Variants in PDZD2 observed in about 807,000 individuals in gnomAD.
PDZD2 encodes PDZ domain containing 2.
Under a neutral mutation model 220.7 loss-of-function variants are expected in PDZD2, and 90 were observed. The ratio of observed to expected loss-of-function variants is 0.41; its 90% CI spans 0.34 to 0.49. PDZD2 has a LOEUF of 0.49. Ranked by LOEUF, PDZD2 falls within the 20% of genes least tolerant of loss-of-function variation. The pLI, the probability that PDZD2 is intolerant of heterozygous loss-of-function variation, is 0.28. For missense variants in PDZD2, 3,174 were observed against 3,608.5 expected, an observed-to-expected ratio of 0.88 and a Z score of 3.08; for synonymous variants, 1,375 against 1,450.5, an observed-to-expected ratio of 0.95 and a Z score of 1.18.
Position 32,088,423 on chromosome 5 carries a change from G to A in PDZD2, c.4975G>A (p.Gly1659Ser). The A allele has an allele frequency of 6.2e-7, 1 of 1,614,052 alleles. No individual in the cohort carries two copies. The highest frequency in any genetic ancestry group is 8.5e-7 in the Non-Finnish European group (1 of 1,179,998). Residue 1659 changes from glycine (G) to serine (S), a missense_variant, in exon 20 of 25, where the codon GGC becomes AGC. By Grantham distance (56) the Gly-to-Ser change is moderately conservative. Coordinates refer to ENST00000438447, the MANE Select transcript of PDZD2 (RefSeq NM_178140.4). The surrounding 1 kb of genome is among the most constrained non-coding windows in gnomAD (Gnocchi z 4.6). ...AACLPGSYTS[G>S]PDSSQPSSLL... ...CTGCTTGCCAGGCTCATACACTTCA[G>A]GCCCAGACTCTTCCCAGCCATCATC...
At chr5:31,699,405 G>A (rs1000158980) in intron 1 of PDZD2, among the ~76,000 whole-genome samples, 1 of 152,068 alleles carries the variant, frequency 6.6e-6, no homozygotes, top group African/African-American at 2.4e-5. Context: ...ATTGAGGCTA[G>A]GAGTGAGAGG....
At chr5:31,973,387 A>G (rs1338634303) in intron 2 of PDZD2, among the ~76,000 whole-genome samples, 1 of 152,170 alleles carries the variant, frequency 6.6e-6, no homozygotes, top group Non-Finnish European at 1.5e-5. Flanking sequence ...AATTTTTTTC[A>G]TTGATCATAT....
At chr5:31,658,840 T>G (rs1048710181) in intron 1 of PDZD2, among the ~76,000 whole-genome samples, 1 of 152,194 alleles carries the variant, frequency 6.6e-6, no homozygotes, top group East Asian at 1.9e-4. Context: ...AGGCTGGTCT[T>G]GAATTCCTGA....
intron 2 of PDZD2, among the ~76,000 whole-genome samples, chr5:31,905,368 G>A (rs1399691983): frequency 6.6e-6 from 1 of 152,222 alleles, no homozygotes; most frequent in Non-Finnish European, 1.5e-5. Flanking sequence ...CCTTGCAGGT[G>A]TTCTAGTTTA....
intron 2 of PDZD2, among the ~76,000 whole-genome samples, chr5:31,976,714 C>CTTTTTTTTTTTTTTTTTTTTTTT (rs869280921): frequency 7.0e-5 from 7 of 99,712 alleles, no homozygotes; most frequent in East Asian, 3.1e-4. Flanking sequence ...TTTCTTCTTT[C>CTTTTTTTTTTTTTTTTTTTTTTT]TTTTTTTTTT....
At chr5:31,812,019 TAAATAAATAAATAAATAAAA>T (rs1467920569) in intron 2 of PDZD2, among the ~76,000 whole-genome samples, 6 of 149,926 alleles carry the variant, frequency 4.0e-5, no homozygotes, top group African/African-American at 7.3e-5. Flanking sequence ...AATAAATAAA[TAAATAAATAAATAAATAAAA>T]ATTCAAGCTC....
chr5:31,703,720 C>T (rs903594412), intron 1 of PDZD2, among the ~76,000 whole-genome samples: 1 of 152,200 alleles, frequency 6.6e-6, no homozygotes, highest in African/African-American at 2.4e-5. Context: ...AGACCCCAAG[C>T]AGGATAACTG....
At chr5:32,004,687 G>C (rs1435541759) in intron 5 of PDZD2, among the ~76,000 whole-genome samples, 1 of 152,224 alleles carries the variant, frequency 6.6e-6, no homozygotes, top group Non-Finnish European at 1.5e-5. Flanking sequence ...GAGTCCACCA[G>C]ACTTCAGAGT....
intron 1 of PDZD2, among the ~76,000 whole-genome samples, chr5:31,775,440 C>T (rs958946673): frequency 2.6e-5 from 4 of 152,124 alleles, no homozygotes; most frequent in African/African-American, 4.8e-5. Context: ...TTCTCCTTTG[C>T]AGCTCCTTCT....
rs1052254499 is a variant in PDZD2, at chr5:32,109,026, A to G, written c.*891A>G. The stretch of plus-strand genomic sequence containing the variant: ...TCAAGACTGGTCAGTCCAAGAGCAG[A>G]CAAAAATATCACAAGTCAGTCAGTC... On this transcript the variant is annotated 3_prime_UTR_variant, in exon 25 of 25. Transcript: ENST00000438447. 1.6e-5 allele frequency: 2 copies of G among 124,650 alleles called. No homozygotes were observed. Among genetic ancestry groups the G allele is most frequent in the African/African-American group, 5.5e-5 (2 of 36,462 alleles). The allele number at this position is 124,650 out of a possible 1,614,324, so 7.7% of individuals were successfully genotyped here. A position where few individuals can be genotyped will look rare whatever the true frequency, so the allele number is the denominator to read the frequency against.
intron 1 of PDZD2, among the ~76,000 whole-genome samples, chr5:31,730,972 A>C (rs959406412): frequency 6.6e-6 from 1 of 152,174 alleles, no homozygotes; most frequent in Non-Finnish European, 1.5e-5. Context: ...GTCCAAAATG[A>C]ATTTCTTTGC....
At chr5:31,903,178 C>T (rs950213376) in intron 2 of PDZD2, among the ~76,000 whole-genome samples, 3 of 151,744 alleles carry the variant, frequency 2.0e-5, no homozygotes, top group Admixed American at 1.3e-4. Context: ...CCTGTAATCC[C>T]GTCTACTTGG....
chr5:31,907,921 A>G (rs1742805236), intron 2 of PDZD2, among the ~76,000 whole-genome samples: 1 of 151,880 alleles, frequency 6.6e-6, no homozygotes. Flanking sequence ...CGTCTTTACT[A>G]AAAATACAAA....
chr5:31,919,760 C>A (rs1300375932), intron 2 of PDZD2, among the ~76,000 whole-genome samples: 1 of 146,702 alleles, frequency 6.8e-6, no homozygotes. Flanking sequence ...CACCTGTAAT[C>A]CGGGTTATCG....
chr5:31,668,084 A>G (rs1295450265), intron 1 of PDZD2, among the ~76,000 whole-genome samples: 1 of 151,816 alleles, frequency 6.6e-6, no homozygotes, highest in Non-Finnish European at 1.5e-5. Context: ...GCTGGTCTTG[A>G]ACTCCTGACT....
At chr5:31,722,132 C>T (rs533337847) in intron 1 of PDZD2, among the ~76,000 whole-genome samples, 10 of 152,292 alleles carry the variant, frequency 6.6e-5, no homozygotes, top group Admixed American at 4.6e-4. Flanking sequence ...TTCTCTAGAC[C>T]GTTCTCACTG....
rs1742998426 is a variant in PDZD2, at chr5:32,090,428, A to G, written c.6980A>G (p.His2327Arg). Residue 2327 changes from histidine (H) to arginine (R), a missense_variant, in exon 20 of 25, where the codon CAT becomes CGT. This residue lies in a region of PDZD2 where 631 missense variants were observed against 789.9 expected (regional missense o/e 0.80). Transcript: ENST00000438447. The surrounding 1 kb of genome is among the most constrained non-coding windows in gnomAD (Gnocchi z 4.3). ...TACTGCTATGAGCAGAACTGGCCCC[A>G]TGAATCTACCTCATTTTTCTCTGTG... Reference protein sequence around the residue: ...RHYCYEQNWPHESTSFFSVKQ... With the variant: ...RHYCYEQNWPRESTSFFSVKQ... 2 of 1,614,038 alleles carry G rather than the reference A, an allele frequency of 1.2e-6. No homozygotes were observed. The highest frequency in any genetic ancestry group is 1.7e-5 in the Admixed American group (1 of 60,010).
chr5:31,931,997 G>A (rs753701499), intron 2 of PDZD2, among the ~76,000 whole-genome samples: 3 of 152,094 alleles, frequency 2.0e-5, no homozygotes, highest in Non-Finnish European at 2.9e-5. Context: ...GGTCCTCCCC[G>A]CTTGCACAAT....
chr5:31,985,702 A>G (rs1750657592), intron 3 of PDZD2, among the ~76,000 whole-genome samples: 1 of 152,160 alleles, frequency 6.6e-6, no homozygotes, highest in Non-Finnish European at 1.5e-5. Context: ...AAAAACAAAC[A>G]AAAGCTAAAC....
Sources: gnomAD v4.1 joint callset for allele counts (sites outside exome capture counted in the v4.1 genomes callset) on GRCh38, gnomAD v4.1.1 for gene constraint, gnomAD v4.1.1 regional missense constraint, Gnocchi (gnomAD v3.1) non-coding constraint, MANE v1.5 for transcripts, NCBI Gene and HGNC (gene_info 2026-07-23, HGNC 2026-07-21) for gene names.